The following MYRF variants were observed in gnomAD, a reference collection of about 807,000 sequenced individuals.
MYRF encodes myelin regulatory factor.
MYRF carries 16 observed loss-of-function variants against 126.3 expected under a neutral mutation model. The observed-to-expected ratio is 0.13, with a 90% CI of 0.09 to 0.19. The LOEUF is 0.19. MYRF is among the 10% of genes least tolerant of loss of function. The pLI is 1.00. For synonymous variants in MYRF, 608 were observed against 635.3 expected, an observed-to-expected ratio of 0.96 and a Z score of 0.65; for missense variants, 1,104 against 1,547.0, an observed-to-expected ratio of 0.71 and a Z score of 4.80.
chr11:61,771,105 T>C (rs1338733312), intron 5 of MYRF, among the ~76,000 whole-genome samples: 1 of 152,178 alleles, frequency 6.6e-6, no homozygotes, highest in Non-Finnish European at 1.5e-5. Flanking sequence ...CTCTGTGGCT[T>C]GTTTCTGATC....
chr11:61,755,345 C>T (rs938054884), intron 1 of MYRF: 62 of 1,585,334 alleles, frequency 3.9e-5, no homozygotes, highest in Middle Eastern at 1.8e-4. Context: ...CGTGACCGCC[C>T]GGCTAATCCC....
intron 1 of MYRF, among the ~76,000 whole-genome samples, chr11:61,759,887 C>G (rs1038500844): frequency 2.0e-5 from 3 of 152,156 alleles, no homozygotes; most frequent in Admixed American, 1.3e-4. Flanking sequence ...GTTGCTTGCA[C>G]AAGCAAACAT....
rs1380747929 is a variant in MYRF at position 61,757,900 on chromosome 11, G to A, written c.46+5110G>A. Among the ~76,000 whole-genome samples the A allele has an allele frequency of 6.6e-5, 10 of 152,176 alleles. No individual in the cohort carries two copies. The highest frequency in any genetic ancestry group is 2.4e-4 in the African/African-American group (10 of 41,444). ...GGACTGGAGCCTGGGTCCCAGCTCT[G>A]TGCCAGCCTGGGATGGGCAGGGAAG... On this transcript the variant is annotated intron_variant, in intron 1 of 26. Coordinates refer to ENST00000278836, the MANE Select transcript of MYRF (RefSeq NM_001127392.3). The surrounding 1 kb of genome is among the most constrained non-coding windows in gnomAD (Gnocchi z 4.7).
At chr11:61,780,160 C>A in intron 17 of MYRF, 62 bp from the exon 18 acceptor site, 1 of 1,576,260 alleles carries the variant, frequency 6.3e-7, no homozygotes, top group South Asian at 1.1e-5. Flanking sequence ...CAGCCTTGTC[C>A]TAGAGAGAGG....
chr11:61,783,780 T>G lies in MYRF; in HGVS notation c.3120-71T>G. 1 of 1,487,706 alleles carries G rather than the reference T, an allele frequency of 6.7e-7. No homozygotes were observed. The highest frequency in any genetic ancestry group is 9.2e-7 in the Non-Finnish European group (1 of 1,088,778). 92.2% of individuals were successfully genotyped at this position (1,487,706 alleles called of 1,614,324 possible). On this transcript the variant is annotated intron_variant, in intron 23 of 26. Transcript: ENST00000278836. The surrounding 1 kb of genome is among the most constrained non-coding windows in gnomAD (Gnocchi z 4.6). ...GAGGGCTCCAGTACAGATTGGGGGC[T>G]GAGGAGTCCCTGGTGGGGGTGGGGG... is the stretch of plus-strand genomic sequence containing the variant.
At position 61,771,745 on chromosome 11, in the gene MYRF, C is replaced by T. The variant is rs1395201140; in HGVS notation, c.986C>T (p.Ser329Phe). 6.2e-7 allele frequency: 1 copy of T among 1,612,002 alleles called. No homozygotes were observed. The highest frequency in any genetic ancestry group is 8.5e-7 in the Non-Finnish European group (1 of 1,178,670). ...TPPWHPPGAP[S>F]PGLLQDSDSL... is the part of the protein sequence containing the mutation. ...CCTTGGCACCCGCCAGGTGCCCCCTCCCCAGGTACATGGCTGGCCAACTCT... is the reference window on the plus strand; with the variant it reads ...CCTTGGCACCCGCCAGGTGCCCCCTTCCCAGGTACATGGCTGGCCAACTCT... The change falls in exon 6 of 27, where the codon TCC becomes TTC. Residue 329 changes from serine (S) to phenylalanine (F), a missense_variant. Physicochemically the swap from Ser to Phe is radical, Grantham distance 155. Around this residue, in one of 10 missense-constraint regions of MYRF, gnomAD observed 87 missense variants for 129.2 expected, o/e 0.67. Transcript: ENST00000278836.
At position 61,776,271 on chromosome 11, in the gene MYRF, C is replaced by A; in HGVS notation, c.1389-51C>A. On this transcript the variant is annotated intron_variant, in intron 9 of 26. Transcript: ENST00000278836. The surrounding 1 kb of genome is among the most constrained non-coding windows in gnomAD (Gnocchi z 4.3). Reference sequence around the variant, plus strand: ...GCCTGGGTGCCCCTCAGTGGCGTGGCTCTTGCAGCCTCCCTCCCTGCCCCC... The same window carrying A: ...GCCTGGGTGCCCCTCAGTGGCGTGGATCTTGCAGCCTCCCTCCCTGCCCCC... 6.3e-7 allele frequency: 1 copy of A among 1,574,978 alleles called. No homozygotes were observed.
At chr11:61,768,905 A>G (rs2066133824) in intron 3 of MYRF, 2 of 219,914 alleles carry the variant, frequency 9.1e-6, no homozygotes, top group Admixed American at 5.8e-5. Context: ...CTGTGTTTCC[A>G]GGAAGCTGTG....
In MYRF at chr11:61,777,716, G is replaced by T; in HGVS notation, c.1792-18G>T. 6.5e-7 allele frequency: 1 copy of T among 1,547,938 alleles called. No homozygotes were observed. Among genetic ancestry groups the T allele is most frequent in the Non-Finnish European group, 8.7e-7 (1 of 1,144,328 alleles). On this transcript the variant is annotated intron_variant, in intron 12 of 26. Coordinates refer to ENST00000278836, the MANE Select transcript of MYRF (RefSeq NM_001127392.3). This position sits in a 1 kb window ranked among gnomAD's most constrained non-coding sequence, Gnocchi z 8.8. ...ACGGCCGCAGGAGGGGTTCATTCCC[G>T]GGCCTGGCTCCCCGCAGGTGGACAC...
chr11:61,783,980 C>A lies in MYRF; in HGVS notation c.3194+55C>A. 3 of 1,545,050 alleles carry A rather than the reference C, an allele frequency of 1.9e-6. No homozygotes were observed. The highest frequency in any genetic ancestry group is 4.8e-5 in the East Asian group (2 of 42,094). On this transcript the variant is annotated intron_variant, in intron 24 of 26. Transcript: ENST00000278836. The surrounding 1 kb of genome is among the most constrained non-coding windows in gnomAD (Gnocchi z 4.6). ...AGGAGGGGAGCCAGGGAGAATCTCCCGCAGAGCCTCAGAACAGCCGAGTCT... is the reference window on the plus strand; with the variant it reads ...AGGAGGGGAGCCAGGGAGAATCTCCAGCAGAGCCTCAGAACAGCCGAGTCT...
chr11:61,764,054 C>T (rs1369002424), intron 1 of MYRF, among the ~76,000 whole-genome samples: 1 of 152,186 alleles, frequency 6.6e-6, no homozygotes, highest in African/African-American at 2.4e-5. Context: ...GCTGCTCTTG[C>T]CCCGGCCACA....
In MYRF at chr11:61,776,341, C is replaced by G. The variant is rs2066381472; in HGVS notation, c.1408C>G (p.Gln470Glu). ...NPVTVNLPPE[Q>E]VTKVTVGRLH... ...CTGCAGGGTCAATCTGCCCCCTGAG[C>G]AGGTCACGAAGGTGACTGTGGGGCG... The change falls in exon 10 of 27, where the codon CAG becomes GAG. Residue 470 changes from glutamine (Q) to glutamate (E), a missense_variant. Physicochemically the swap from Gln to Glu is conservative, Grantham distance 29. Coordinates refer to ENST00000278836, the MANE Select transcript of MYRF (RefSeq NM_001127392.3). This position sits in a 1 kb window ranked among gnomAD's most constrained non-coding sequence, Gnocchi z 4.3. 1 of 1,612,996 alleles carries G rather than the reference C, an allele frequency of 6.2e-7. No homozygotes were observed. Among genetic ancestry groups the G allele is most frequent in the African/African-American group, 1.3e-5 (1 of 74,888 alleles).
intron 1 of MYRF, among the ~76,000 whole-genome samples, chr11:61,756,512 A>G (rs970371244): frequency 6.6e-6 from 1 of 151,504 alleles, no homozygotes; most frequent in African/African-American, 2.4e-5. Flanking sequence ...GAGTAAGTAG[A>G]TGGGAGGGGT....
At chr11:61,754,993 C>T (rs1178099149) in intron 1 of MYRF, among the ~76,000 whole-genome samples, 2 of 152,112 alleles carry the variant, frequency 1.3e-5, no homozygotes, top group Non-Finnish European at 2.9e-5. Context: ...GCTTTTGAGC[C>T]GTGGCTGCGT....
Position 61,788,054 on chromosome 11 carries a change from G to A in MYRF, c.*1911G>A, listed in dbSNP as rs2066734724. The A allele has an allele frequency of 6.5e-6, 1 of 152,798 alleles. No individual in the cohort carries two copies. The allele number at this position is 152,798 out of a possible 1,614,324, so 9.5% of individuals were successfully genotyped here. ...AGGGGGTCAACCTTGGACCAAAGTT[G>A]CCTTAAGCCTGTGGTAAAAGGGCTT... On this transcript the variant is annotated 3_prime_UTR_variant, in exon 27 of 27. Coordinates refer to ENST00000278836, the MANE Select transcript of MYRF (RefSeq NM_001127392.3).
Position 61,771,609 on chromosome 11 carries a change from G to A in MYRF, c.850G>A (p.Ala284Thr), listed in dbSNP as rs770993588. ...CAAACAGGAGCCTGGGACCGTGACA[G>A]CCCTGCCTCTGCACCCCACTCGAGC... ...MIKQEPGTVTALPLHPTRAPS... is the reference protein window; with the variant it reads ...MIKQEPGTVTTLPLHPTRAPS... Residue 284 changes from alanine to threonine, a missense_variant, in exon 6 of 27, where the codon GCC (alanine) becomes ACC (threonine). By Grantham distance (58) the Ala-to-Thr change is moderately conservative (BLOSUM62 0). This residue lies in a region of MYRF where 368 missense variants were observed against 403.9 expected (regional missense o/e 0.91). Transcript: ENST00000278836. 4 of 1,613,914 alleles carry A rather than the reference G, an allele frequency of 2.5e-6. No individual in the cohort carries two copies. In the East Asian group the frequency reaches 6.7e-5, roughly 27 times the overall value.
chr11:61,780,114 C>T, intron 17 of MYRF, 108 bp from the exon 18 acceptor site: 1 of 1,370,034 alleles, frequency 7.3e-7, no homozygotes, highest in Non-Finnish European at 1.0e-6. Context: ...ATTTTGTAGG[C>T]ATCACCTGGG....
intron 3 of MYRF, chr11:61,768,539 G>T (rs2066125451): frequency 6.6e-6 from 1 of 152,264 alleles, no homozygotes; most frequent in South Asian, 2.1e-4. Flanking sequence ...GGATGCAGGG[G>T]GACTCTGGAG....
At chr11:61,780,669 CCCCTTTGCCTGTCTCA>C in intron 18 of MYRF, 27 bp from the exon 19 acceptor site, 1 of 1,528,396 alleles carries the variant, frequency 6.5e-7, no homozygotes, top group Non-Finnish European at 8.9e-7. Flanking sequence ...CTCTTCTCTT[CCCCTTTGCCTGTCTCA>C]CCCTTTGCCT....
Sources: allele counts gnomAD v4.1 joint callset (sites outside exome capture counted in the v4.1 genomes callset), GRCh38; gene constraint gnomAD v4.1.1; regional missense constraint gnomAD v4.1.1; non-coding constraint Gnocchi (gnomAD v3.1); transcripts MANE v1.5; gene names NCBI Gene and HGNC (gene_info 2026-07-23, HGNC 2026-07-21).